RRM1: variants seen among roughly 807,000 people sequenced by gnomAD.
The protein encoded by RRM1 is ribonucleotide reductase catalytic subunit M1, also known as ribonucleoside-diphosphate reductase large subunit.
RRM1 carries 19 observed loss-of-function variants against 101.5 expected under a neutral mutation model. The observed-to-expected ratio is 0.19, with a 90% CI of 0.13 to 0.27. The LOEUF is 0.27. Ranked by LOEUF, RRM1 falls within the 10% of genes least tolerant of loss-of-function variation. RRM1 has a pLI of 1.00. For missense variants in RRM1, 500 were observed against 962.9 expected (o/e 0.52, Z 6.36); for synonymous variants, 298 against 323.4 (o/e 0.92, Z 0.84).
intron 7 of RRM1, among the ~76,000 whole-genome samples, chr11:4,116,991 G>GAA (rs1333320095): frequency 6.6e-6 from 1 of 151,166 alleles, no homozygotes; most frequent in African/African-American, 2.4e-5. Flanking sequence ...GAAAAGAAAA[G>GAA]AAAAACAGAA....
In RRM1 at chr11:4,102,600, C is replaced by T. The variant is rs917764717; in HGVS notation, c.108+519C>T. On this transcript the variant is annotated intron_variant, in intron 2 of 18. Coordinates refer to ENST00000300738, the MANE Select transcript of RRM1 (RefSeq NM_001033.5). Reference sequence around the variant, plus strand: ...CTGGGAGGCAGAGGTTGCAGTGAGCCGAGATCGTGCCACTGCACTCCAGCC... The same window carrying T: ...CTGGGAGGCAGAGGTTGCAGTGAGCTGAGATCGTGCCACTGCACTCCAGCC... Among the ~76,000 whole-genome samples the T allele has an allele frequency of 4.0e-5, 6 of 149,566 alleles. 1 individual carries two copies. The South Asian group carries it at 8.4e-4, about 21-fold the overall frequency.
At chr11:4,119,607 C>T in intron 8 of RRM1, 1 of 441,538 alleles carries the variant, frequency 2.3e-6, no homozygotes, top group East Asian at 4.5e-5. Flanking sequence ...GTAATTGTTA[C>T]ATCTCATTAT....
Position 4,094,969 on chromosome 11 carries a change from G to T in RRM1, c.-44G>T, listed in dbSNP as rs369493432. On this transcript the variant is annotated 5_prime_UTR_variant, in exon 1 of 19. Coordinates refer to ENST00000300738, the MANE Select transcript of RRM1 (RefSeq NM_001033.5). The stretch of plus-strand genomic sequence containing the variant: ...TCGATCCCGCCGGCGCTTTAGAGCC[G>T]CAGTCCAGTCTTGGATCCTTCAGAG... 5 of 1,553,124 alleles carry T rather than the reference G, an allele frequency of 3.2e-6. No individual in the cohort carries two copies. Among genetic ancestry groups the T allele is most frequent in the African/African-American group, 1.4e-5 (1 of 73,138 alleles).
chr11:4,099,948 C>A (rs933272962), intron 1 of RRM1, among the ~76,000 whole-genome samples: 6 of 152,050 alleles, frequency 3.9e-5, no homozygotes, highest in Non-Finnish European at 5.9e-5. Flanking sequence ...TGCTTTCCCC[C>A]CCCACTGCAT....
chr11:4,107,364 A>T (rs1242839986), intron 3 of RRM1, 71 bp from the exon 4 acceptor site: 3 of 1,057,818 alleles, frequency 2.8e-6, no homozygotes, highest in Non-Finnish European at 4.4e-6. Context: ...ACTGTTTTCA[A>T]CTATTACCTA....
At chr11:4,136,721 C>G (rs1467693922) in intron 18 of RRM1, among the ~76,000 whole-genome samples, 1 of 146,648 alleles carries the variant, frequency 6.8e-6, no homozygotes, top group African/African-American at 2.5e-5. Context: ...AGCGCCCAGC[C>G]AGGAATGTAT....
chr11:4,136,930 TTG>T (rs2094611624), intron 18 of RRM1, among the ~76,000 whole-genome samples: 1 of 151,616 alleles, frequency 6.6e-6, no homozygotes, highest in African/African-American at 2.4e-5. Context: ...TCCGCAGTGT[TTG>T]TGTCCCTGGG....
intron 15 of RRM1, among the ~76,000 whole-genome samples, chr11:4,130,086 A>ATATATATATATATTTTTTT (rs1202870487): frequency 1.4e-4 from 14 of 99,440 alleles, no homozygotes; most frequent in African/African-American, 7.5e-4. Context: ...ATATATATAT[A>ATATATATATATATTTTTTT]TTTTTTTTTT....
chr11:4,130,086 A>ATATTT (rs1202870487), intron 15 of RRM1, among the ~76,000 whole-genome samples: 31 of 99,448 alleles, frequency 3.1e-4, no homozygotes, highest in African/African-American at 1.7e-3. Flanking sequence ...ATATATATAT[A>ATATTT]TTTTTTTTTT....
intron 15 of RRM1, among the ~76,000 whole-genome samples, chr11:4,130,256 TTG>T (rs1232534058): frequency 6.6e-6 from 1 of 151,650 alleles, no homozygotes; most frequent in Non-Finnish European, 1.5e-5. Flanking sequence ...TGCCAACCAT[TTG>T]TCTCAGAAAA....
chr11:4,119,814 T>G, intron 8 of RRM1, 31 bp from the exon 9 acceptor site: 1 of 1,377,754 alleles, frequency 7.3e-7, no homozygotes, highest in Non-Finnish European at 1.0e-6. Flanking sequence ...CTGAGTGCCC[T>G]CTGTCATTTC....
intron 12 of RRM1, among the ~76,000 whole-genome samples, chr11:4,123,716 A>G (rs2094585273): frequency 6.6e-6 from 1 of 152,170 alleles, no homozygotes; most frequent in African/African-American, 2.4e-5. Flanking sequence ...AATTTAAACT[A>G]TGTAAGCCTT....
At chr11:4,120,652 C>A (rs987705789) in intron 9 of RRM1, among the ~76,000 whole-genome samples, 2 of 152,208 alleles carry the variant, frequency 1.3e-5, no homozygotes, top group African/African-American at 4.8e-5. Context: ...GGGTGTTAGC[C>A]ACTGCACCTC....
intron 1 of RRM1, among the ~76,000 whole-genome samples, chr11:4,096,268 T>A (rs2094543433): frequency 6.6e-6 from 1 of 152,144 alleles, no homozygotes; most frequent in Non-Finnish European, 1.5e-5. Flanking sequence ...CCTCAAACCA[T>A]CCTCCCTTCC....
chr11:4,113,252 T>C (rs190852254), intron 7 of RRM1, among the ~76,000 whole-genome samples: 1 of 152,332 alleles, frequency 6.6e-6, no homozygotes, highest in East Asian at 1.9e-4. Flanking sequence ...ATAAACACTT[T>C]AGCAAAATTG....
chr11:4,108,010 T>C (rs1386007872), intron 4 of RRM1, among the ~76,000 whole-genome samples: 2 of 152,236 alleles, frequency 1.3e-5, no homozygotes, highest in Non-Finnish European at 2.9e-5. Context: ...GTTTTGCTCA[T>C]AGATGAATAT....
Position 4,138,764 on chromosome 11 carries a change from G to A in RRM1, c.*381G>A, listed in dbSNP as rs2094619189. 1 of 213,354 alleles carries A rather than the reference G, an allele frequency of 4.7e-6. No homozygotes were observed. The highest frequency in any genetic ancestry group is 2.3e-5 in the African/African-American group (1 of 44,266). The allele number at this position is 213,354 out of a possible 1,614,324, so 13.2% of individuals were successfully genotyped here. A position where few individuals can be genotyped will look rare whatever the true frequency, so the allele number is the denominator to read the frequency against. Reference sequence around the variant, plus strand: ...AGATTTAGTTTTACTGCTTTGACTGGTGGGTCTCTAGAAGCAAAACTGAGT... The same window carrying A: ...AGATTTAGTTTTACTGCTTTGACTGATGGGTCTCTAGAAGCAAAACTGAGT... On this transcript the variant is annotated 3_prime_UTR_variant, in exon 19 of 19. Coordinates refer to ENST00000300738, the MANE Select transcript of RRM1 (RefSeq NM_001033.5).
intron 5 of RRM1, 36 bp from the exon 6 acceptor site, chr11:4,111,565 T>C: frequency 1.3e-6 from 2 of 1,546,182 alleles, no homozygotes. Context: ...TTAAAAACGG[T>C]GCTCTGAAAA....
chr11:4,136,005 T>C (rs2094609026), intron 18 of RRM1, among the ~76,000 whole-genome samples: 3 of 151,576 alleles, frequency 2.0e-5, no homozygotes, highest in Admixed American at 1.3e-4. Flanking sequence ...GGCAGACATA[T>C]TGTCTTGGGC....
Sources: allele counts gnomAD v4.1 joint callset (sites outside exome capture counted in the v4.1 genomes callset), GRCh38; gene constraint gnomAD v4.1.1; transcripts MANE v1.5; gene names NCBI Gene and HGNC (gene_info 2026-07-23, HGNC 2026-07-21).